MGAT5: variants seen among roughly 807,000 people sequenced by gnomAD.
MGAT5 encodes alpha-1,6-mannosylglycoprotein 6-beta-N-acetylglucosaminyltransferase, also known as alpha-1,6-mannosylglycoprotein 6-beta-N-acetylglucosaminyltransferase A.
Under a neutral mutation model 94.3 loss-of-function variants are expected in MGAT5, and 30 were observed. The ratio of observed to expected loss-of-function variants is 0.32; its 90% CI spans 0.24 to 0.43. The LOEUF (loss-of-function observed/expected upper bound fraction) is 0.43. MGAT5 is among the 20% of genes least tolerant of loss of function. The pLI is 1.00. For synonymous variants in MGAT5, 310 were observed against 322.9 expected, an observed-to-expected ratio of 0.96 and a Z score of 0.43; for missense variants, 691 against 905.5, an observed-to-expected ratio of 0.76 and a Z score of 3.04.
intron 1 of MGAT5, among the ~76,000 whole-genome samples, chr2:134,132,934 A>G (rs1416083296): frequency 6.6e-6 from 1 of 152,216 alleles, no homozygotes; most frequent in Non-Finnish European, 1.5e-5. Context: ...GCATTTCTAA[A>G]TTGTTTCATT....
At chr2:134,380,226 A>G (rs1681448327) in intron 10 of MGAT5, among the ~76,000 whole-genome samples, 1 of 152,238 alleles carries the variant, frequency 6.6e-6, no homozygotes, top group Non-Finnish European at 1.5e-5. Flanking sequence ...TTAAACAGGC[A>G]TAATACTTAC....
At position 134,322,249 on chromosome 2, in the gene MGAT5, A is replaced by C. The variant is rs1418606838; in HGVS notation, c.573+3510A>C. On this transcript the variant is annotated intron_variant, in intron 4 of 15. Coordinates refer to ENST00000281923, the MANE Select transcript of MGAT5 (RefSeq NM_002410.5). ...CTTTGCCTTGGACATTATATGTGGG[A>C]ACATTGTTCCATTTTAGAATTAGAA... is the stretch of plus-strand genomic sequence containing the variant. Among the ~76,000 whole-genome samples, 8 of 152,284 alleles carry C rather than the reference A, an allele frequency of 5.3e-5. No individual in the cohort carries two copies. The South Asian group carries it at 1.7e-3, about 32-fold the overall frequency.
chr2:134,283,477 AAAG>A, intron 2 of MGAT5, among the ~76,000 whole-genome samples: 1 of 152,100 alleles, frequency 6.6e-6, no homozygotes. Flanking sequence ...GTCATTCATC[AAAG>A]AAGGGGCTAA....
intron 10 of MGAT5, among the ~76,000 whole-genome samples, chr2:134,379,554 T>C (rs1343950602): frequency 6.6e-6 from 1 of 152,178 alleles, no homozygotes; most frequent in East Asian, 1.9e-4. Flanking sequence ...CGCCAGCACC[T>C]GCAAGCCCAG....
At chr2:134,144,195 T>C (rs1439274390) in intron 1 of MGAT5, among the ~76,000 whole-genome samples, 2 of 152,106 alleles carry the variant, frequency 1.3e-5, no homozygotes, top group Non-Finnish European at 2.9e-5. Context: ...CTGGGTAATT[T>C]ATAAAGAAAA....
intron 1 of MGAT5, among the ~76,000 whole-genome samples, chr2:134,127,729 G>T (rs541558979): frequency 6.6e-6 from 1 of 152,188 alleles, no homozygotes; most frequent in South Asian, 2.1e-4. Flanking sequence ...CGATTCTGTG[G>T]TTAGTGATTC....
At chr2:134,412,680 C>T (rs144615084) in intron 11 of MGAT5, among the ~76,000 whole-genome samples, 189 bp from the exon 12 acceptor site, 5 of 151,992 alleles carry the variant, frequency 3.3e-5, no homozygotes, top group Admixed American at 6.6e-5. Flanking sequence ...TTTAAAAGTT[C>T]GTAGTTTTTC....
chr2:134,379,643 G>T (rs1292083474), intron 10 of MGAT5, among the ~76,000 whole-genome samples: 1 of 152,222 alleles, frequency 6.6e-6, no homozygotes, highest in Admixed American at 6.5e-5. Flanking sequence ...CTGGACTGCA[G>T]GCGTTATGAG....
At chr2:134,357,840 C>T (rs1041350535) in intron 9 of MGAT5, among the ~76,000 whole-genome samples, 1 of 151,390 alleles carries the variant, frequency 6.6e-6, no homozygotes, top group Non-Finnish European at 1.5e-5. Context: ...TGCATCCCAG[C>T]CTTCTCTCTT....
intron 1 of MGAT5, among the ~76,000 whole-genome samples, chr2:134,218,208 G>A (rs1047036864): frequency 6.6e-6 from 1 of 152,142 alleles, no homozygotes; most frequent in African/African-American, 2.4e-5. Flanking sequence ...GATGTATCTC[G>A]ACTTGTTGCA....
At chr2:134,188,880 T>C (rs1689174506) in intron 1 of MGAT5, among the ~76,000 whole-genome samples, 1 of 152,184 alleles carries the variant, frequency 6.6e-6, no homozygotes, top group South Asian at 2.1e-4. Context: ...TTCTTAGGTT[T>C]GATAATTTAC....
At chr2:134,333,958 C>T (rs1688168274) in intron 4 of MGAT5, among the ~76,000 whole-genome samples, 1 of 152,208 alleles carries the variant, frequency 6.6e-6, no homozygotes, top group African/African-American at 2.4e-5. Context: ...ATTTTGTTAA[C>T]CAGTTATCCT....
At chr2:134,348,041 C>T (rs547495559) in intron 8 of MGAT5, among the ~76,000 whole-genome samples, 1 of 152,316 alleles carries the variant, frequency 6.6e-6, no homozygotes, top group Admixed American at 6.5e-5. Flanking sequence ...GAGCTGCCAC[C>T]GTTAACACTG....
Position 134,254,652 on chromosome 2 carries a change from C to G in MGAT5, c.241+8C>G. The G allele has an allele frequency of 6.2e-7, 1 of 1,614,102 alleles. No homozygotes were observed. Among genetic ancestry groups the G allele is most frequent in the Non-Finnish European group, 8.5e-7 (1 of 1,179,984 alleles). ...GAGTCATGACAGCTTATGGTAAGCA[C>G]TGTTTCTGGGACCTCTCCATTAAAG... On this transcript the variant is annotated splice_region_variant and intron_variant, in intron 1 of 15. Transcript: ENST00000281923.
intron 1 of MGAT5, among the ~76,000 whole-genome samples, chr2:134,225,895 A>G (rs76056910): frequency 0.012 from 1,818 of 152,354 alleles, 33 homozygotes; most frequent in African/African-American, 0.042. Flanking sequence ...ACAACTTTAT[A>G]TGATAAAGAC....
At chr2:134,422,048 C>G (rs1224470613) in intron 12 of MGAT5, among the ~76,000 whole-genome samples, 1 of 151,854 alleles carries the variant, frequency 6.6e-6, no homozygotes, top group Non-Finnish European at 1.5e-5. Flanking sequence ...GCATGATGTG[C>G]ACATCTGTAG....
chr2:134,446,215 G>A (rs1685765429), intron 15 of MGAT5, among the ~76,000 whole-genome samples: 1 of 152,046 alleles, frequency 6.6e-6, no homozygotes, highest in Non-Finnish European at 1.5e-5. Context: ...GCTGAATCCT[G>A]CTCACAGACA....
At chr2:134,328,682 G>A (rs1170341768) in intron 4 of MGAT5, among the ~76,000 whole-genome samples, 1 of 152,098 alleles carries the variant, frequency 6.6e-6, no homozygotes, top group Non-Finnish European at 1.5e-5. Flanking sequence ...GAGATAGAGT[G>A]AGAACCAGAC....
intron 2 of MGAT5, among the ~76,000 whole-genome samples, chr2:134,271,563 G>C (rs938214784): frequency 2.0e-5 from 3 of 152,180 alleles, no homozygotes; most frequent in Non-Finnish European, 4.4e-5. Flanking sequence ...TTAAGTGGGA[G>C]AGATTCTTTA....
Sources: allele counts gnomAD v4.1 joint callset (sites outside exome capture counted in the v4.1 genomes callset), GRCh38; gene constraint gnomAD v4.1.1; transcripts MANE v1.5; gene names NCBI Gene and HGNC (gene_info 2026-07-23, HGNC 2026-07-21).